RALYL: variants seen among roughly 807,000 people sequenced by gnomAD.
RALYL encodes the protein RALY RNA binding protein like.
A neutral mutation model predicts 35.1 loss-of-function variants in RALYL; 29 were observed. That is an observed-to-expected ratio of 0.83 (90% CI 0.61 to 1.13). The LOEUF (loss-of-function observed/expected upper bound fraction) is 1.13, where lower values mean the gene tolerates loss of function less well. Among genes scored for constraint, RALYL ranks in the 50% most tolerant of loss-of-function variants. RALYL has a pLI of 0.00. For missense variants in RALYL, 359 were observed against 360.4 expected (o/e 1.00, Z 0.03); for synonymous variants, 120 against 127.6 (o/e 0.94, Z 0.40).
At chr8:84,300,380 T>C (rs1005393784) in intron 1 of RALYL, among the ~76,000 whole-genome samples, 1 of 151,984 alleles carries the variant, frequency 6.6e-6, no homozygotes, top group Admixed American at 6.6e-5. Context: ...TTTTAGAGTA[T>C]GTGCCATTTA....
rs2048723025 is a variant in RALYL, at chr8:84,445,124, A to C, written c.-23-84175A>C. Among the ~76,000 whole-genome samples, 2 of 152,118 alleles carry C rather than the reference A, an allele frequency of 1.3e-5. 1 individual carries two copies. Among genetic ancestry groups the C allele is most frequent in the South Asian group, 4.1e-4 (2 of 4,830 alleles). Reference sequence around the variant, plus strand: ...GCTCCAAGTGTTACTAGATTATCACATTAATTCTCACAACCATGTTGAAAG... The same window carrying C: ...GCTCCAAGTGTTACTAGATTATCACCTTAATTCTCACAACCATGTTGAAAG... On this transcript the variant is annotated intron_variant, in intron 1 of 8. Transcript: ENST00000521268.
intron 2 of RALYL, among the ~76,000 whole-genome samples, chr8:84,689,841 T>G (rs1401532755): frequency 6.6e-6 from 1 of 152,138 alleles, no homozygotes; most frequent in Non-Finnish European, 1.5e-5. Context: ...ATGGTGAGGA[T>G]TTTTTCATGT....
intron 5 of RALYL, among the ~76,000 whole-genome samples, chr8:84,852,819 A>G (rs1248308423): frequency 6.6e-6 from 1 of 152,196 alleles, no homozygotes; most frequent in East Asian, 1.9e-4. Flanking sequence ...TACTCCATAG[A>G]CAGAGCAGAG....
intron 2 of RALYL, among the ~76,000 whole-genome samples, chr8:84,685,899 A>C (rs1364944954): frequency 6.6e-6 from 1 of 152,164 alleles, no homozygotes; most frequent in East Asian, 1.9e-4. Context: ...ATTAGGAAGT[A>C]GGAGGACAGT....
At chr8:84,730,039 C>G (rs1350879679) in intron 2 of RALYL, among the ~76,000 whole-genome samples, 1 of 152,132 alleles carries the variant, frequency 6.6e-6, no homozygotes, top group East Asian at 1.9e-4. Flanking sequence ...TTTTATGAGA[C>G]CAACATCATC....
At chr8:84,347,852 G>A (rs1278354097) in intron 1 of RALYL, among the ~76,000 whole-genome samples, 1 of 152,118 alleles carries the variant, frequency 6.6e-6, no homozygotes, top group Non-Finnish European at 1.5e-5. Context: ...ATTCAGCAAA[G>A]CTTGCTATTT....
At chr8:84,785,210 A>AGTT (rs892890403) in intron 3 of RALYL, among the ~76,000 whole-genome samples, 3 of 152,084 alleles carry the variant, frequency 2.0e-5, no homozygotes, top group African/African-American at 7.2e-5. Context: ...TGATGATGAG[A>AGTT]GTTTATGTTT....
intron 1 of RALYL, among the ~76,000 whole-genome samples, chr8:84,403,524 G>GTTTTTTTTTTTTTTTTTT (rs769845435): frequency 1.0e-4 from 4 of 39,480 alleles, no homozygotes; most frequent in African/African-American, 1.4e-4. Flanking sequence ...CTATATCTCT[G>GTTTTTTTTTTTTTTTTTT]TTTTTTTTTT....
chr8:84,313,820 A>C (rs139754617), intron 1 of RALYL, among the ~76,000 whole-genome samples: 1 of 152,028 alleles, frequency 6.6e-6, no homozygotes, highest in Admixed American at 6.6e-5. Context: ...TCATTTTTCT[A>C]TCTTCTTCTG....
intron 4 of RALYL, among the ~76,000 whole-genome samples, chr8:84,841,237 G>C (rs1833246821): frequency 6.6e-6 from 1 of 152,260 alleles, no homozygotes; most frequent in African/African-American, 2.4e-5. Context: ...CACATGCAGA[G>C]GCACACATAG....
rs1429613664 is a variant in RALYL at position 84,183,687 on chromosome 8, T to A, written c.-761T>A. The A allele has an allele frequency of 6.6e-6, 1 of 152,628 alleles. No individual in the cohort carries two copies. The highest frequency in any genetic ancestry group is 1.5e-5 in the Non-Finnish European group (1 of 68,120). 9.5% of individuals were successfully genotyped at this position (152,628 alleles called of 1,614,324 possible). A position where few individuals can be genotyped will look rare whatever the true frequency, so the allele number is the denominator to read the frequency against. On this transcript the variant is annotated 5_prime_UTR_variant, in exon 1 of 9. Transcript: ENST00000521268. The stretch of plus-strand genomic sequence containing the variant: ...TTTTCTTTTTTTCCACTTCTTTGAT[T>A]ATTGTTTATATTTGGGAAAGCTGGA...
At chr8:84,308,693 T>C (rs988221510) in intron 1 of RALYL, among the ~76,000 whole-genome samples, 2 of 152,184 alleles carry the variant, frequency 1.3e-5, no homozygotes, top group Non-Finnish European at 2.9e-5. Flanking sequence ...TGTGATAAAA[T>C]GTGTATTTTT....
chr8:84,862,240 T>C, intron 5 of RALYL, 56 bp from the exon 6 acceptor site: 1 of 1,364,958 alleles, frequency 7.3e-7, no homozygotes, highest in African/African-American at 1.5e-5. Context: ...TTTCACATAT[T>C]TGATAGAACT....
At chr8:84,188,020 G>T (rs1439409420) in intron 1 of RALYL, among the ~76,000 whole-genome samples, 1 of 151,998 alleles carries the variant, frequency 6.6e-6, no homozygotes, top group Non-Finnish European at 1.5e-5. Context: ...TAGTAAGGAC[G>T]AATTTGAGAA....
chr8:84,393,972 G>A (rs1476508927), intron 1 of RALYL, among the ~76,000 whole-genome samples: 1 of 151,918 alleles, frequency 6.6e-6, no homozygotes, highest in Non-Finnish European at 1.5e-5. Flanking sequence ...TTTTCCTGTT[G>A]TTGAAATTAG....
In RALYL at chr8:84,913,997, A is replaced by G. The variant is rs914250506; in HGVS notation, c.859-6897A>G. The stretch of plus-strand genomic sequence containing the variant: ...TTAATTAAATGAAAATTGTTAAACA[A>G]CCGTGACAACCTTTCCCCCAGCTAT... On this transcript the variant is annotated intron_variant, in intron 8 of 8. Coordinates refer to ENST00000521268, the MANE Select transcript of RALYL (RefSeq NM_173848.7). 3.9e-5 allele frequency among the ~76,000 whole-genome samples: 6 copies of G among 152,150 alleles called. No homozygotes were observed. In the East Asian group the frequency reaches 1.2e-3, roughly 29 times the overall value.
At chr8:84,739,331 A>G (rs1383151022) in intron 2 of RALYL, among the ~76,000 whole-genome samples, 1 of 151,828 alleles carries the variant, frequency 6.6e-6, no homozygotes. Flanking sequence ...ATCTTAGCCA[A>G]TTAAAGAGCT....
chr8:84,660,197 T>A (rs538858697), intron 2 of RALYL, among the ~76,000 whole-genome samples: 2 of 152,150 alleles, frequency 1.3e-5, no homozygotes, highest in Non-Finnish European at 2.9e-5. Context: ...AATTTTCAAA[T>A]TTATGTACAT....
At chr8:84,690,073 C>G (rs149197173) in intron 2 of RALYL, among the ~76,000 whole-genome samples, 1 of 152,238 alleles carries the variant, frequency 6.6e-6, no homozygotes, top group Non-Finnish European at 1.5e-5. Flanking sequence ...AATATCATCA[C>G]TCCTCTGTTC....
Sources: allele counts gnomAD v4.1 joint callset (sites outside exome capture counted in the v4.1 genomes callset), GRCh38; gene constraint gnomAD v4.1.1; transcripts MANE v1.5; gene names NCBI Gene and HGNC (gene_info 2026-07-23, HGNC 2026-07-21).